The following TMPRSS15 variants were observed in gnomAD, a reference collection of about 807,000 sequenced individuals.
The protein encoded by TMPRSS15 is transmembrane serine protease 15.
In TMPRSS15, 128 loss-of-function variants were observed where a neutral mutation model predicts 125.3. That is an observed-to-expected ratio of 1.02 (90% CI 0.89 to 1.18). The LOEUF (loss-of-function observed/expected upper bound fraction) is 1.18. TMPRSS15 is among the 50% of genes most tolerant of loss of function. TMPRSS15 has a pLI of 0.00. For missense variants in TMPRSS15, 1,283 were observed against 1,212.7 expected (o/e 1.06, Z -0.86); for synonymous variants, 446 against 423.2 (o/e 1.05, Z -0.66).
chr21:18,386,331 C>T (rs2075943623), intron 3 of TMPRSS15, among the ~76,000 whole-genome samples: 1 of 152,022 alleles, frequency 6.6e-6, no homozygotes. Context: ...TATATAATTC[C>T]CATCCCCCCA....
intron 21 of TMPRSS15, among the ~76,000 whole-genome samples, chr21:18,282,503 G>C (rs915205725): frequency 2.0e-5 from 3 of 152,182 alleles, no homozygotes; most frequent in Non-Finnish European, 2.9e-5. Context: ...AGGGCATGAA[G>C]TTACTTACAT....
chr21:18,363,958 A>T (rs79874813), intron 7 of TMPRSS15, among the ~76,000 whole-genome samples: 5,253 of 152,148 alleles, frequency 0.035, 286 homozygotes, highest in African/African-American at 0.12. Flanking sequence ...GCTGCACTCC[A>T]AATCGAAATA....
intron 18 of TMPRSS15, among the ~76,000 whole-genome samples, chr21:18,308,113 C>T (rs1882987550): frequency 6.6e-6 from 1 of 152,156 alleles, no homozygotes; most frequent in Non-Finnish European, 1.5e-5. Context: ...GCAATTGAAG[C>T]TAATGGCTTC....
At chr21:18,350,420 T>C (rs966112250) in intron 10 of TMPRSS15, among the ~76,000 whole-genome samples, 9 of 152,128 alleles carry the variant, frequency 5.9e-5, no homozygotes, top group Non-Finnish European at 1.0e-4. Flanking sequence ...TGACCTTTTC[T>C]CACCACATCT....
intron 5 of TMPRSS15, among the ~76,000 whole-genome samples, chr21:18,372,590 A>T (rs1001070933): frequency 6.6e-6 from 1 of 152,248 alleles, no homozygotes; most frequent in African/African-American, 2.4e-5. Flanking sequence ...TTATTATTTG[A>T]AAATATAGTG....
At chr21:18,296,524 T>C (rs893333301) in intron 19 of TMPRSS15, among the ~76,000 whole-genome samples, 1 of 152,212 alleles carries the variant, frequency 6.6e-6, no homozygotes, top group African/African-American at 2.4e-5. Context: ...ATTATAATAG[T>C]GACGTCAATG....
At chr21:18,363,771 T>C (rs968641148) in intron 7 of TMPRSS15, among the ~76,000 whole-genome samples, 13 of 152,102 alleles carry the variant, frequency 8.5e-5, no homozygotes, top group Non-Finnish European at 1.6e-4. Context: ...TATAAACACA[T>C]ACAAATGTAG....
chr21:18,275,183 T>G lies in TMPRSS15; in HGVS notation c.2904+14A>C. 6.2e-7 allele frequency: 1 copy of G among 1,613,444 alleles called. No individual in the cohort carries two copies. On this transcript the variant is annotated intron_variant, in intron 24 of 24. Transcript: ENST00000284885. ...CTTTCTGAAAAGGTACAGTGAGCAG[T>G]TTTACATCTTTACCTGACAAGAATC...
chr21:18,458,092 A>T (rs1220729427), intron 1 of TMPRSS15, among the ~76,000 whole-genome samples: 1 of 152,192 alleles, frequency 6.6e-6, no homozygotes, highest in Non-Finnish European at 1.5e-5. Context: ...AATCAGAAAT[A>T]AAATGACATA....
chr21:18,445,205 CAT>C (rs1569070398), intron 1 of TMPRSS15, among the ~76,000 whole-genome samples: 1 of 77,478 alleles, frequency 1.3e-5, no homozygotes, highest in African/African-American at 3.7e-5. Flanking sequence ...GTATATACCA[CAT>C]TTTTTTTTTT....
intron 1 of TMPRSS15, chr21:18,477,686 G>A (rs1378736595): frequency 6.6e-6 from 1 of 152,094 alleles, no homozygotes; most frequent in Non-Finnish European, 1.5e-5. Context: ...AGGAGCTCCA[G>A]GATGGCATTC....
At chr21:18,440,250 G>A (rs1174795311) in intron 1 of TMPRSS15, among the ~76,000 whole-genome samples, 6 of 150,672 alleles carry the variant, frequency 4.0e-5, no homozygotes, top group Non-Finnish European at 8.9e-5. Context: ...GCGCGCGCCT[G>A]TAGTCCCAGC....
rs764562860 is a variant in TMPRSS15 at position 18,398,243 on chromosome 21, G to A, written c.232C>T (p.Leu78Phe). The A allele has an allele frequency of 1.4e-5, 23 of 1,613,816 alleles. No individual in the cohort carries two copies. Among genetic ancestry groups the A allele is most frequent in the Non-Finnish European group, 1.9e-5 (22 of 1,179,786 alleles). Residue 78 changes from leucine (L) to phenylalanine (F), a missense_variant, in exon 2 of 25, where the codon CTC (leucine) becomes TTC (phenylalanine). Physicochemically the swap from Leu to Phe is conservative, Grantham distance 22. Transcript: ENST00000284885. ...VTYNPNLQDK[L>F]SVDFKVLAFD... ...GCAAGAACTTTGAAATCCACTGAGA[G>A]TTTGTCTTGCAAATTAGGATTATAT...
chr21:18,329,027 C>T, intron 15 of TMPRSS15, 142 bp downstream of exon 15: 1 of 895,632 alleles, frequency 1.1e-6, no homozygotes, highest in South Asian at 1.5e-5. Context: ...TTGTAAGTTC[C>T]ACATAAACTC....
intron 1 of TMPRSS15, among the ~76,000 whole-genome samples, chr21:18,421,913 C>T (rs1359486905): frequency 6.6e-6 from 1 of 151,960 alleles, no homozygotes; most frequent in African/African-American, 2.4e-5. Flanking sequence ...ACAATGACAG[C>T]TTTGGGCATG....
At chr21:18,423,951 T>G (rs1339065402) in intron 1 of TMPRSS15, among the ~76,000 whole-genome samples, 3 of 152,174 alleles carry the variant, frequency 2.0e-5, no homozygotes, top group Admixed American at 2.0e-4. Flanking sequence ...CTTGAAAAAT[T>G]AACTGAAGTA....
chr21:18,292,191 T>C (rs2074845762), intron 21 of TMPRSS15, among the ~76,000 whole-genome samples: 1 of 152,232 alleles, frequency 6.6e-6, no homozygotes, highest in Non-Finnish European at 1.5e-5. Context: ...ATAAATTTTG[T>C]CAAGGTTACT....
At chr21:18,438,503 A>G (rs978337975) in intron 1 of TMPRSS15, among the ~76,000 whole-genome samples, 2 of 152,176 alleles carry the variant, frequency 1.3e-5, no homozygotes, top group East Asian at 1.9e-4. Flanking sequence ...AACATTATTA[A>G]TTTCTTTCTA....
At position 18,343,997 on chromosome 21, in the gene TMPRSS15, A is replaced by T. The variant is rs376523498; in HGVS notation, c.1235T>A (p.Leu412His). 1.2e-5 allele frequency: 20 copies of T among 1,614,112 alleles called. No individual in the cohort carries two copies. The African/African-American group carries it at 1.6e-4, about 13-fold the overall frequency. Residue 412 changes from leucine (L) to histidine (H), a missense_variant, in exon 11 of 25, where the codon CTC (leucine) becomes CAC (histidine). Leu to His is a moderately conservative substitution (Grantham distance 99). Transcript: ENST00000284885. ...TGGCTCCAAAGTGGGGTCCAAAGGG[A>T]GGCTTAAAAGCCCCACTCGTTCTTG... ...GRQERVGLLSLPLDPTLEPAC... is the reference protein window; with the variant it reads ...GRQERVGLLSHPLDPTLEPAC...
Sources: gnomAD v4.1 joint callset for allele counts (sites outside exome capture counted in the v4.1 genomes callset) on GRCh38, gnomAD v4.1.1 for gene constraint, MANE v1.5 for transcripts, NCBI Gene and HGNC (gene_info 2026-07-23, HGNC 2026-07-21) for gene names.